NAALADL2: variants seen among roughly 807,000 people sequenced by gnomAD.
NAALADL2 encodes the protein N-acetylated alpha-linked acidic dipeptidase like 2.
A neutral mutation model predicts 87.2 loss-of-function variants in NAALADL2; 76 were observed. The observed-to-expected ratio is 0.87, with a 90% CI of 0.72 to 1.05. The LOEUF (loss-of-function observed/expected upper bound fraction) is 1.05. Ranked by LOEUF, NAALADL2 falls within the 50% of genes least tolerant of loss-of-function variation. The probability of loss-of-function intolerance (pLI) is 0.00; values close to 1 mark genes in which losing one functional copy is unlikely to be tolerated. For synonymous variants in NAALADL2, 354 were observed against 331.0 expected, an observed-to-expected ratio of 1.07 and a Z score of -0.75; for missense variants, 1,089 against 945.8, an observed-to-expected ratio of 1.15 and a Z score of -1.99.
At chr3:175,183,539 T>C (rs963604375) in intron 2 of NAALADL2, among the ~76,000 whole-genome samples, 1 of 152,110 alleles carries the variant, frequency 6.6e-6, no homozygotes, top group Non-Finnish European at 1.5e-5. Context: ...AGGGTGTTTA[T>C]CATAAAAGGA....
chr3:175,336,058 A>T (rs1480253328), intron 5 of NAALADL2, among the ~76,000 whole-genome samples: 1 of 152,042 alleles, frequency 6.6e-6, no homozygotes, highest in Non-Finnish European at 1.5e-5. Context: ...ATACCCCTCC[A>T]TATGATTATT....
intron 1 of NAALADL2, among the ~76,000 whole-genome samples, chr3:175,077,741 T>G (rs1024231752): frequency 6.6e-6 from 1 of 152,134 alleles, no homozygotes; most frequent in African/African-American, 2.4e-5. Flanking sequence ...GGTTCTGATA[T>G]CCTATATATA....
intron 1 of NAALADL2, among the ~76,000 whole-genome samples, chr3:174,476,753 A>T (rs1388351019): frequency 2.0e-5 from 3 of 152,076 alleles, no homozygotes; most frequent in African/African-American, 7.2e-5. Context: ...GTCAGTGTCG[A>T]TGTTTATCCA....
intron 9 of NAALADL2, among the ~76,000 whole-genome samples, chr3:175,515,964 T>C (rs914670771): frequency 4.5e-4 from 69 of 152,338 alleles, no homozygotes; most frequent in East Asian, 1.7e-3. Flanking sequence ...TCAAAATCCT[T>C]TTAAAATAAA....
intron 1 of NAALADL2, among the ~76,000 whole-genome samples, chr3:174,990,743 A>G (rs1476025146): frequency 6.6e-6 from 1 of 152,156 alleles, no homozygotes; most frequent in Admixed American, 6.6e-5. Flanking sequence ...CACTCTCTGC[A>G]CATTTGAATC....
rs1449541628 is a variant in NAALADL2, at chr3:175,115,708, G to T, written c.545+18417G>T. ...ATGAATGGTATTTCTGCTTGGATAGGATATTTCCTTATTTTGCTTCTCTCA... is the reference window on the plus strand; with the variant it reads ...ATGAATGGTATTTCTGCTTGGATAGTATATTTCCTTATTTTGCTTCTCTCA... On this transcript the variant is annotated intron_variant, in intron 2 of 13. Coordinates refer to ENST00000454872, the MANE Select transcript of NAALADL2 (RefSeq NM_207015.3). Among the ~76,000 whole-genome samples, 5 of 151,620 alleles carry T rather than the reference G, an allele frequency of 3.3e-5. No individual in the cohort carries two copies. In the East Asian group the frequency reaches 9.7e-4, roughly 30 times the overall value.
chr3:175,448,801 C>T (rs183162144), intron 6 of NAALADL2, among the ~76,000 whole-genome samples: 1 of 152,248 alleles, frequency 6.6e-6, no homozygotes, highest in Admixed American at 6.5e-5. Flanking sequence ...CCTCAAACTC[C>T]TAAGCTGAAG....
At chr3:174,780,418 T>A (rs1271600567) in intron 3 of NAALADL2, among the ~76,000 whole-genome samples, 1 of 152,170 alleles carries the variant, frequency 6.6e-6, no homozygotes, top group Non-Finnish European at 1.5e-5. Flanking sequence ...CACAATCATG[T>A]CATCTGCAAA....
chr3:175,433,253 A>C (rs1418378263), intron 5 of NAALADL2, among the ~76,000 whole-genome samples: 1 of 152,034 alleles, frequency 6.6e-6, no homozygotes, highest in Non-Finnish European at 1.5e-5. Flanking sequence ...TCATCTAAGA[A>C]ACATTCACAG....
intron 4 of NAALADL2, among the ~76,000 whole-genome samples, chr3:175,258,169 G>A (rs1750342631): frequency 6.6e-6 from 1 of 151,796 alleles, no homozygotes; most frequent in South Asian, 2.1e-4. Flanking sequence ...TTAGCCAGGC[G>A]TGGTGGCGGG....
In NAALADL2 at chr3:175,786,654, C is replaced by T. The variant is rs530539717; in HGVS notation, c.2190-16351C>T. 3.9e-5 allele frequency among the ~76,000 whole-genome samples: 6 copies of T among 152,242 alleles called. No individual in the cohort carries two copies. The East Asian group carries it at 5.8e-4, about 15-fold the overall frequency. ...TTTGCCTTTGGTTTGAATGTCCTCT[C>T]GTAGCTCAGAGTAATTTGATCGTCT... is the stretch of plus-strand genomic sequence containing the variant. On this transcript the variant is annotated intron_variant, in intron 13 of 13. Coordinates refer to ENST00000454872, the MANE Select transcript of NAALADL2 (RefSeq NM_207015.3).
rs112686880 is a variant in NAALADL2 at position 175,695,442 on chromosome 3, A to G, written c.1897-41864A>G. Among the ~76,000 whole-genome samples the G allele has an allele frequency of 3.6e-3, 550 of 152,258 alleles. 2 individuals are homozygous for G. Among genetic ancestry groups the G allele is most frequent in the Non-Finnish European group, 6.0e-3 (409 of 68,008 alleles). On this transcript the variant is annotated intron_variant, in intron 11 of 13. Transcript: ENST00000454872. ...TGCCACATCACAATTCTGTTGCTAA[A>G]GTTTATTTTTCCAACGTCTGTTGTA...
chr3:174,620,176 C>T (rs765575781), intron 2 of NAALADL2, among the ~76,000 whole-genome samples: 2 of 151,966 alleles, frequency 1.3e-5, no homozygotes, highest in Non-Finnish European at 1.5e-5. Context: ...TAATTAACAC[C>T]TACTATGTGC....
intron 5 of NAALADL2, among the ~76,000 whole-genome samples, chr3:175,330,456 T>A (rs1256036432): frequency 6.6e-6 from 1 of 150,392 alleles, no homozygotes; most frequent in Non-Finnish European, 1.5e-5. Context: ...AAAAAAAAAA[T>A]TGAAATCATA....
intron 2 of NAALADL2, among the ~76,000 whole-genome samples, chr3:175,181,456 C>A (rs113754153): frequency 6.6e-6 from 1 of 151,508 alleles, no homozygotes; most frequent in East Asian, 1.9e-4. Flanking sequence ...ACCCTTTGAT[C>A]GACATCTCCC....
chr3:175,036,401 TC>T (rs1056977457), intron 1 of NAALADL2, among the ~76,000 whole-genome samples: 1 of 151,568 alleles, frequency 6.6e-6, no homozygotes, highest in African/African-American at 2.4e-5. Context: ...TTTTTTTTTT[TC>T]TTTTTCTTTT....
chr3:175,305,076 GA>G, intron 4 of NAALADL2, among the ~76,000 whole-genome samples: 1 of 151,792 alleles, frequency 6.6e-6, no homozygotes, highest in Admixed American at 6.6e-5. Flanking sequence ...AGTTATTTGA[GA>G]ATCAGTTAAT....
At chr3:174,958,362 G>T (rs1014878962) in intron 1 of NAALADL2, among the ~76,000 whole-genome samples, 2 of 151,906 alleles carry the variant, frequency 1.3e-5, no homozygotes, top group South Asian at 4.2e-4. Flanking sequence ...GAGTGGCTTT[G>T]TCTCCAAGTG....
At chr3:175,354,021 T>C (rs567249622) in intron 5 of NAALADL2, among the ~76,000 whole-genome samples, 2 of 152,318 alleles carry the variant, frequency 1.3e-5, no homozygotes, top group East Asian at 3.9e-4. Flanking sequence ...TTTTCTCTTA[T>C]AAACTTGTGT....
Sources: gnomAD v4.1 joint callset for allele counts (sites outside exome capture counted in the v4.1 genomes callset) on GRCh38, gnomAD v4.1.1 for gene constraint, MANE v1.5 for transcripts, NCBI Gene and HGNC (gene_info 2026-07-23, HGNC 2026-07-21) for gene names.